RAP1GAP2: variants seen among roughly 807,000 people sequenced by gnomAD.
RAP1GAP2 encodes rap1 GTPase-activating protein 2.
RAP1GAP2 carries 27 observed loss-of-function variants against 95.0 expected under a neutral mutation model. The observed-to-expected ratio is 0.28, with a 90% CI of 0.21 to 0.39. RAP1GAP2 has a LOEUF of 0.39. RAP1GAP2 is among the 10% of genes least tolerant of loss of function. RAP1GAP2 has a pLI of 1.00. For synonymous variants in RAP1GAP2, 373 were observed against 380.9 expected (o/e 0.98, Z 0.24); for missense variants, 771 against 970.0 (o/e 0.79, Z 2.72).
At position 3,037,397 on chromosome 17, in the gene RAP1GAP2, G is replaced by A. The variant is rs557186872; in HGVS notation, c.*4036G>A. ...CCCCCCGCTTCCTGCTCCTTAGCATGCGTGCAGCTCTCTCCTGTTTTGGGT... is the reference window on the plus strand; with the variant it reads ...CCCCCCGCTTCCTGCTCCTTAGCATACGTGCAGCTCTCTCCTGTTTTGGGT... On this transcript the variant is annotated 3_prime_UTR_variant, in exon 25 of 25. Coordinates refer to ENST00000254695, the MANE Select transcript of RAP1GAP2 (RefSeq NM_015085.5). 1.6e-3 allele frequency: 151 copies of A among 92,664 alleles called. 1 individual carries two copies. The highest frequency in any genetic ancestry group is 5.0e-3 in the African/African-American group (146 of 29,402). The allele number at this position is 92,664 out of a possible 1,614,324, so 5.7% of individuals were successfully genotyped here.
Position 2,796,716 on chromosome 17 carries a change from C to G in RAP1GAP2, c.44+145C>G. 1 of 926,120 alleles carries G rather than the reference C, an allele frequency of 1.1e-6. No homozygotes were observed. Among genetic ancestry groups the G allele is most frequent in the Non-Finnish European group, 1.7e-6 (1 of 589,056 alleles). 57.4% of individuals were successfully genotyped at this position (926,120 alleles called of 1,614,324 possible). A position where few individuals can be genotyped will look rare whatever the true frequency, so the allele number is the denominator to read the frequency against. ...GCTGACGCCCTGGCAGGTCGAGATG[C>G]AGGATCCTGGTGGGGACATCAGAGA... On this transcript the variant is annotated intron_variant, in intron 1 of 24. Transcript: ENST00000254695. The surrounding 1 kb of genome is among the most constrained non-coding windows in gnomAD (Gnocchi z 4.7).
chr17:3,027,760 A>G lies in RAP1GAP2; in HGVS notation c.2107+690A>G, dbSNP rs4510062. 0.91 allele frequency among the ~76,000 whole-genome samples: 130,953 copies of G among 143,438 alleles called. 59,856 individuals are homozygous for G. Among genetic ancestry groups the G allele is most frequent in the Non-Finnish European group, 0.95 (63,158 of 66,418 alleles). 94.1% of individuals were successfully genotyped at this position (143,438 alleles called of 152,430 possible). A position where few individuals can be genotyped will look rare whatever the true frequency, so the allele number is the denominator to read the frequency against. ...TGCTGAGTGTAGAATGGATTAGTAG[A>G]GAGCAGGAGCAGAGGGGAGGGATGG... On this transcript the variant is annotated intron_variant, in intron 22 of 24. Coordinates refer to ENST00000254695, the MANE Select transcript of RAP1GAP2 (RefSeq NM_015085.5). The surrounding 1 kb of genome is among the most constrained non-coding windows in gnomAD (Gnocchi z 5.2).
At chr17:3,030,544 A>G (rs1422194364) in intron 22 of RAP1GAP2, among the ~76,000 whole-genome samples, 5 of 152,222 alleles carry the variant, frequency 3.3e-5, no homozygotes, top group African/African-American at 1.2e-4. Flanking sequence ...GGAAGAAGAT[A>G]TACTGTAGCC....
intron 12 of RAP1GAP2, among the ~76,000 whole-genome samples, chr17:2,993,586 A>T (rs1171903407): frequency 8.5e-6 from 1 of 117,612 alleles, no homozygotes; most frequent in African/African-American, 2.9e-5. Context: ...AAAAAAAAAT[A>T]AATAAATAAA....
At chr17:2,923,936 A>G (rs979301309) in intron 3 of RAP1GAP2, among the ~76,000 whole-genome samples, 1 of 152,170 alleles carries the variant, frequency 6.6e-6, no homozygotes, top group Non-Finnish European at 1.5e-5. Flanking sequence ...GCTAAATTCA[A>G]TTTTCCTTGC....
chr17:2,929,432 C>T (rs9913366), intron 3 of RAP1GAP2, among the ~76,000 whole-genome samples: 76,267 of 151,794 alleles, frequency 0.5, 19,785 homozygotes, highest in Non-Finnish European at 0.55. Flanking sequence ...GAGGAAGGGG[C>T]GCTCCATCTG....
At chr17:3,021,833 G>A (rs999161888) in intron 19 of RAP1GAP2, among the ~76,000 whole-genome samples, 3 of 152,164 alleles carry the variant, frequency 2.0e-5, no homozygotes, top group African/African-American at 7.2e-5. Context: ...TTTTCCATGG[G>A]TGAATAATAT....
At chr17:2,794,313 C>T (rs2069008939), upstream of RAP1GAP2, among the ~76,000 whole-genome samples, 1 of 152,106 alleles carries the variant, frequency 6.6e-6, no homozygotes, top group Admixed American at 6.6e-5. Flanking sequence ...GTCAGGTGCC[C>T]ACTCCTGACC....
chr17:2,957,383 C>T (rs867330352), intron 3 of RAP1GAP2, among the ~76,000 whole-genome samples: 28 of 152,308 alleles, frequency 1.8e-4, no homozygotes, highest in Admixed American at 3.3e-4. Context: ...GACACCTTGG[C>T]CCCACTGTTG....
intron 2 of RAP1GAP2, among the ~76,000 whole-genome samples, chr17:2,807,994 C>T (rs377477711): frequency 2.0e-5 from 3 of 152,166 alleles, no homozygotes; most frequent in East Asian, 1.9e-4. Context: ...CTGTTTCCAG[C>T]GGGGAGGATC....
Position 3,031,016 on chromosome 17 carries a change from A to G in RAP1GAP2, c.2184+18A>G. On this transcript the variant is annotated intron_variant, in intron 23 of 24. Coordinates refer to ENST00000254695, the MANE Select transcript of RAP1GAP2 (RefSeq NM_015085.5). ...CTGGTGCGGTAAGGATGCGCCTCCC[A>G]CACCCCACACTCCACTTTCTGCAGA... 6.3e-7 allele frequency: 1 copy of G among 1,578,456 alleles called. No individual in the cohort carries two copies. The highest frequency in any genetic ancestry group is 1.1e-5 in the South Asian group (1 of 87,430).
At chr17:2,851,597 GTTACGA>G (rs2071850441) in intron 2 of RAP1GAP2, among the ~76,000 whole-genome samples, 1 of 152,162 alleles carries the variant, frequency 6.6e-6, no homozygotes. Context: ...GGGCTGAGAG[GTTACGA>G]TTTTTTGGGG....
At chr17:2,986,737 A>C (rs1446355621) in intron 11 of RAP1GAP2, among the ~76,000 whole-genome samples, 1 of 152,138 alleles carries the variant, frequency 6.6e-6, no homozygotes, top group Non-Finnish European at 1.5e-5. Flanking sequence ...CCCCTCCCTG[A>C]GTGCACAGTC....
chr17:3,013,627 CTTTTCTTTTTTTT>C (rs1233647865), intron 17 of RAP1GAP2, among the ~76,000 whole-genome samples: 35 of 78,930 alleles, frequency 4.4e-4, no homozygotes, highest in Admixed American at 3.7e-3. Flanking sequence ...CTTTTCTTTT[CTTTTCTTTTTTTT>C]TTTTTTTTTT....
upstream of RAP1GAP2, chr17:2,796,405 G>T (rs1160452143): frequency 2.8e-6 from 3 of 1,067,826 alleles, no homozygotes; most frequent in Non-Finnish European, 4.2e-6. The surrounding 1 kb of genome is among the most constrained non-coding windows in gnomAD (Gnocchi z 4.7). Context: ...CGAAGAGGGA[G>T]GTGCCACGCT....
rs148909069 is a variant in RAP1GAP2 at position 2,946,480 on chromosome 17, C to T, written c.166-11279C>T. Among the ~76,000 whole-genome samples, 212 of 152,246 alleles carry T rather than the reference C, an allele frequency of 1.4e-3. 3 individuals are homozygous for T. Among genetic ancestry groups the T allele is most frequent in the Middle Eastern group, 0.01 (3 of 294 alleles). Reference sequence around the variant, plus strand: ...CCCATCACTCGTTTAGGTTGCTTGCCTCGTGCCTGAAGTCATTGGCATCTT... The same window carrying T: ...CCCATCACTCGTTTAGGTTGCTTGCTTCGTGCCTGAAGTCATTGGCATCTT... On this transcript the variant is annotated intron_variant, in intron 3 of 24. Transcript: ENST00000254695.
intron 3 of RAP1GAP2, among the ~76,000 whole-genome samples, chr17:2,941,687 G>A (rs1217889891): frequency 7.5e-6 from 1 of 133,490 alleles, no homozygotes; most frequent in African/African-American, 2.7e-5. Context: ...TTTTTTTTGA[G>A]ACAGAGTTTT....
At chr17:3,002,837 G>A (rs935303908) in intron 14 of RAP1GAP2, among the ~76,000 whole-genome samples, 3 of 152,112 alleles carry the variant, frequency 2.0e-5, no homozygotes, top group Admixed American at 6.5e-5. Flanking sequence ...GAGGAAGTTG[G>A]ATTAGACACC....
intron 3 of RAP1GAP2, among the ~76,000 whole-genome samples, chr17:2,946,233 G>A (rs2151442741): frequency 6.6e-6 from 1 of 152,302 alleles, no homozygotes; most frequent in South Asian, 2.1e-4. Context: ...AAAGATACTG[G>A]CCTGTAGTTT....
Sources: gnomAD v4.1 joint callset for allele counts (sites outside exome capture counted in the v4.1 genomes callset) on GRCh38, gnomAD v4.1.1 for gene constraint, Gnocchi (gnomAD v3.1) non-coding constraint, MANE v1.5 for transcripts, NCBI Gene and HGNC (gene_info 2026-07-23, HGNC 2026-07-21) for gene names.